The following C12orf42 variants were observed in gnomAD, a reference collection of about 807,000 sequenced individuals.
C12orf42 encodes the protein uncharacterized protein C12orf42.
In C12orf42, 25 loss-of-function variants were observed where a neutral mutation model predicts 21.6. That is an observed-to-expected ratio of 1.16 (90% CI 0.84 to 1.62). The LOEUF (loss-of-function observed/expected upper bound fraction) is 1.62, where lower values mean the gene tolerates loss of function less well. C12orf42 is among the 40% of genes most tolerant of loss of function. The pLI, the probability that C12orf42 is intolerant of heterozygous loss-of-function variation, is 0.00. For missense variants in C12orf42, 483 were observed against 459.3 expected, an observed-to-expected ratio of 1.05 and a Z score of -0.47; for synonymous variants, 174 against 175.0, an observed-to-expected ratio of 0.99 and a Z score of 0.05.
At chr12:103,467,132 T>C (rs1953204024) in intron 2 of C12orf42, among the ~76,000 whole-genome samples, 1 of 152,226 alleles carries the variant, frequency 6.6e-6, no homozygotes, top group African/African-American at 2.4e-5. Flanking sequence ...CTGTTACATA[T>C]TGGATAATAT....
At chr12:103,318,432 A>G (rs572472236) in intron 4 of C12orf42, among the ~76,000 whole-genome samples, 4 of 152,246 alleles carry the variant, frequency 2.6e-5, no homozygotes, top group African/African-American at 9.6e-5. Flanking sequence ...TTGTTTTCCA[A>G]AATGTTTATA....
chr12:103,430,007 C>A (rs1950146669), intron 2 of C12orf42, among the ~76,000 whole-genome samples: 1 of 152,162 alleles, frequency 6.6e-6, no homozygotes. Context: ...GACCTAAAAA[C>A]CATGAAAACT....
chr12:103,180,041 CAG>C, the C12orf42 span, among the ~76,000 whole-genome samples: 8 of 151,646 alleles, frequency 5.3e-5, no homozygotes, highest in Non-Finnish European at 1.2e-4. Flanking sequence ...GACAGTGGGA[CAG>C]AGTTTAGGAG....
the C12orf42 span, among the ~76,000 whole-genome samples, chr12:103,184,720 C>A: frequency 7.1e-6 from 1 of 141,492 alleles, no homozygotes; most frequent in Non-Finnish European, 1.5e-5. Context: ...CACCCCCCCC[C>A]CCCCAAATAT....
chr12:103,525,591 ATAAT>A, the C12orf42 span, among the ~76,000 whole-genome samples: 7 of 152,200 alleles, frequency 4.6e-5, no homozygotes, highest in African/African-American at 9.7e-5. Context: ...CAGTATTATT[ATAAT>A]TAATTGTAGT....
the C12orf42 span, among the ~76,000 whole-genome samples, chr12:103,560,720 G>A: frequency 6.6e-6 from 1 of 152,156 alleles, no homozygotes; most frequent in Non-Finnish European, 1.5e-5. Context: ...CCCCATGTTG[G>A]AATCTGGCTC....
chr12:103,505,878 G>C, the C12orf42 span: 3 of 176,346 alleles, frequency 1.7e-5, no homozygotes, highest in Non-Finnish European at 2.3e-5. Context: ...CTGTGGCCTT[G>C]TGAGGTCAGG....
At chr12:103,084,933 CA>C in the C12orf42 span, among the ~76,000 whole-genome samples, 41 of 152,076 alleles carry the variant, frequency 2.7e-4, no homozygotes, top group Admixed American at 6.5e-5. Flanking sequence ...TAAAACTATT[CA>C]AACAAAGTCA....
the C12orf42 span, among the ~76,000 whole-genome samples, chr12:103,094,326 G>A: frequency 6.6e-6 from 1 of 152,250 alleles, no homozygotes; most frequent in Admixed American, 6.5e-5. Context: ...TCCCATTTAT[G>A]GCTTTACTAT....
At position 103,427,314 on chromosome 12, in the gene C12orf42, G is replaced by A. The variant is rs559477747; in HGVS notation, c.79-25639C>T. The stretch of plus-strand genomic sequence containing the variant: ...AAAAAAGAAAAAAAAAAAAAGCAGC[G>A]GTTGCAATCCTAGTCTCTGATAAAA... On this transcript the variant is annotated intron_variant, in intron 2 of 5. Coordinates refer to ENST00000548883, the MANE Select transcript of C12orf42 (RefSeq NM_198521.5). Among the ~76,000 whole-genome samples the A allele has an allele frequency of 4.8e-3, 713 of 149,710 alleles. 5 individuals carry two copies. The highest frequency in any genetic ancestry group is 0.016 in the African/African-American group (652 of 40,612).
At chr12:103,120,595 T>C in the C12orf42 span, among the ~76,000 whole-genome samples, 1 of 152,186 alleles carries the variant, frequency 6.6e-6, no homozygotes, top group South Asian at 2.1e-4. Context: ...ATGCTTCACT[T>C]TTCTTATCAA....
chr12:103,121,671 C>T, the C12orf42 span, among the ~76,000 whole-genome samples: 4 of 152,308 alleles, frequency 2.6e-5, no homozygotes, highest in East Asian at 7.7e-4. Flanking sequence ...CATTCACTTT[C>T]AGGTATTTCT....
At chr12:103,475,662 C>A (rs912958386) in intron 2 of C12orf42, among the ~76,000 whole-genome samples, 2 of 152,148 alleles carry the variant, frequency 1.3e-5, no homozygotes, top group African/African-American at 4.8e-5. Flanking sequence ...AGTGAAAAGA[C>A]CGTTGAGGAA....
At chr12:103,050,625 C>T in the C12orf42 span, among the ~76,000 whole-genome samples, 1 of 151,854 alleles carries the variant, frequency 6.6e-6, no homozygotes, top group Admixed American at 6.6e-5. Context: ...CATTTCGTGC[C>T]AGGACAAGCA....
chr12:103,496,238 G>A (rs567645601), upstream of C12orf42, among the ~76,000 whole-genome samples: 1 of 152,146 alleles, frequency 6.6e-6, no homozygotes, highest in African/African-American at 2.4e-5. Context: ...TTCCACGGAG[G>A]GGGTACTTCT....
intron 2 of C12orf42, among the ~76,000 whole-genome samples, chr12:103,447,133 T>C (rs6539077): frequency 0.64 from 96,403 of 151,678 alleles, 31,408 homozygotes; most frequent in Admixed American, 0.73. Context: ...CTCAGTAAAT[T>C]TAAGAAAATC....
chr12:103,081,119 A>G, the C12orf42 span: 1 of 152,174 alleles, frequency 6.6e-6, no homozygotes, highest in Non-Finnish European at 1.5e-5. Flanking sequence ...TGGACTTCCC[A>G]CTTGGTAAAT....
chr12:103,340,659 T>C (rs1457715647), intron 4 of C12orf42, among the ~76,000 whole-genome samples: 1 of 152,198 alleles, frequency 6.6e-6, no homozygotes, highest in African/African-American at 2.4e-5. Context: ...TTAAAACAGT[T>C]ATAACTCTAT....
intron 4 of C12orf42, among the ~76,000 whole-genome samples, chr12:103,295,445 A>C (rs2037199724): frequency 6.6e-6 from 1 of 152,142 alleles, no homozygotes; most frequent in East Asian, 1.9e-4. Context: ...CTTGCTTTGA[A>C]TAAGACATTG....
Sources: gnomAD v4.1 joint callset for allele counts (sites outside exome capture counted in the v4.1 genomes callset) on GRCh38, gnomAD v4.1.1 for gene constraint, MANE v1.5 for transcripts, NCBI Gene and HGNC (gene_info 2026-07-23, HGNC 2026-07-21) for gene names.